Variants in TET2 observed in about 807,000 individuals in gnomAD.
TET2 encodes the protein methylcytosine dioxygenase TET2.
In TET2, 299 loss-of-function variants were observed where a neutral mutation model predicts 142.9. That is an observed-to-expected ratio of 2.09 (90% CI 1.90 to 2.30). The LOEUF (loss-of-function observed/expected upper bound fraction) is 2.30, where lower values mean the gene tolerates loss of function less well. Ranked by LOEUF, TET2 falls within the 30% of genes most tolerant of loss-of-function variation. TET2 has a pLI of 0.00. For synonymous variants in TET2, 819 were observed against 849.0 expected (o/e 0.96, Z 0.61); for missense variants, 2,418 against 2,378.0 (o/e 1.02, Z -0.35).
chr4:105,185,273 C>T (rs1469335437), intron 1 of TET2, among the ~76,000 whole-genome samples: 2 of 152,144 alleles, frequency 1.3e-5, no homozygotes, highest in African/African-American at 4.8e-5. Flanking sequence ...CACTGAATCT[C>T]CTACAAGCTT....
At chr4:105,171,431 T>C (rs903237162) in intron 1 of TET2, 12 of 152,216 alleles carry the variant, frequency 7.9e-5, no homozygotes, top group African/African-American at 2.7e-4. Context: ...ATTAATAAGT[T>C]TTAATATATG....
rs531909233 is a variant in TET2, at chr4:105,204,215, C to CA, written c.-47+13724dup. Among the ~76,000 whole-genome samples the CA allele has an allele frequency of 3.0e-3, 290 of 97,354 alleles. 2 individuals carry two copies. The highest frequency in any genetic ancestry group is 0.015 in the East Asian group (53 of 3,432). The allele number at this position is 97,354 out of a possible 152,430, so 63.9% of individuals were successfully genotyped here. ...TCCGTCTCAAAAAACAAAAACAAAC[C>CA]AAAAAAAAAAAAAATATATACACAC... On this transcript the variant is annotated intron_variant, in intron 2 of 10. Coordinates refer to ENST00000380013, the MANE Select transcript of TET2 (RefSeq NM_001127208.3).
intron 1 of TET2, among the ~76,000 whole-genome samples, chr4:105,165,831 A>G (rs1019903187): frequency 3.9e-5 from 6 of 152,200 alleles, no homozygotes; most frequent in African/African-American, 9.6e-5. Context: ...TTTAAATACT[A>G]CAATCTTAAG....
intron 1 of TET2, among the ~76,000 whole-genome samples, chr4:105,190,077 T>G (rs1725693384): frequency 6.6e-6 from 1 of 152,202 alleles, no homozygotes; most frequent in African/African-American, 2.4e-5. Context: ...GATGAAGTAA[T>G]ATAAGCCACT....
intron 2 of TET2, among the ~76,000 whole-genome samples, chr4:105,218,414 G>A (rs1040061271): frequency 6.6e-5 from 10 of 152,054 alleles, no homozygotes; most frequent in South Asian, 2.1e-4. Context: ...TCCTCATGTC[G>A]GCTATGCCAT....
At chr4:105,157,380 C>T (rs931864217) in intron 1 of TET2, among the ~76,000 whole-genome samples, 1 of 152,080 alleles carries the variant, frequency 6.6e-6, no homozygotes, top group East Asian at 1.9e-4. Context: ...AAAAAACACA[C>T]TTTAAACCTT....
chr4:105,260,810 A>G (rs1387164878), intron 7 of TET2, among the ~76,000 whole-genome samples: 1 of 152,198 alleles, frequency 6.6e-6, no homozygotes, highest in African/African-American at 2.4e-5. Flanking sequence ...ACATCATTTC[A>G]TAAGACAAGA....
chr4:105,262,467 T>C lies in TET2; in HGVS notation c.4044+619T>C, dbSNP rs376257225. ...TCATCATGAAGGCAAAAAACTAAAA[T>C]CTTCACTGTTTCAGTAACATCAACA... On this transcript the variant is annotated intron_variant, in intron 8 of 10. Transcript: ENST00000380013. Among the ~76,000 whole-genome samples the C allele has an allele frequency of 4.6e-5, 7 of 152,246 alleles. No homozygotes were observed. The East Asian group carries it at 1.4e-3, about 29-fold the overall frequency.
chr4:105,269,628 GC>G lies in TET2; in HGVS notation c.4064del (p.Ala1355AspfsTer8). 6.4e-7 allele frequency: 1 copy of G among 1,551,572 alleles called. No homozygotes were observed. ...YNNQIEYEHR[A>X]PECRLGLKEG... Reference sequence around the variant, plus strand: ...TTTTCAGATTGAATATGAACACAGAGCACCAGAGTGCCGTCTGGGTCTGAAG... The same window carrying G: ...TTTTCAGATTGAATATGAACACAGAGACCAGAGTGCCGTCTGGGTCTGAAG... On this transcript the variant is annotated frameshift_variant, in exon 9 of 11. Transcript: ENST00000380013. LOFTEE classifies it high-confidence loss of function.
At chr4:105,165,770 A>C (rs1007544548) in intron 1 of TET2, among the ~76,000 whole-genome samples, 23 of 152,218 alleles carry the variant, frequency 1.5e-4, no homozygotes, top group African/African-American at 5.3e-4. Flanking sequence ...TTGGTTGCTT[A>C]GTTTCCACAG....
In TET2 at chr4:105,259,709, T is replaced by TC; in HGVS notation, c.3894_3895insC (p.Lys1299GlnfsTer12). ...CATGGAGCATGTACTACAATGGATG[T>TC]AAGTTTGCCAGAAGCAAGATCCCAA... is the stretch of plus-strand genomic sequence containing the variant. On this transcript the variant is annotated frameshift_variant, in exon 7 of 11. Coordinates refer to ENST00000380013, the MANE Select transcript of TET2 (RefSeq NM_001127208.3). LOFTEE classifies it high-confidence loss of function. 6.4e-7 allele frequency: 1 copy of TC among 1,551,188 alleles called. No homozygotes were observed.
intron 2 of TET2, among the ~76,000 whole-genome samples, chr4:105,195,626 C>T: frequency 6.6e-6 from 1 of 152,216 alleles, no homozygotes; most frequent in South Asian, 2.1e-4. Context: ...AATGTCCATG[C>T]TATGTAAGTA....
At position 105,276,411 on chromosome 4, in the gene TET2, C is replaced by T; in HGVS notation, c.5901C>T (p.Phe1967=). 6.4e-7 allele frequency: 1 copy of T among 1,551,984 alleles called. No homozygotes were observed. Among genetic ancestry groups the T allele is most frequent in the Non-Finnish European group, 8.7e-7 (1 of 1,147,052 alleles). Residue 1967 remains phenylalanine (F), a synonymous_variant, in exon 11 of 11, where the codon TTC becomes TTT. Transcript: ENST00000380013. ...HETSEPTYLR[F]IKSLAERTMS... Reference sequence around the variant, plus strand: ...CTTCAGAGCCCACTTACCTGCGTTTCATCAAGTCTCTTGCCGAAAGGACCA... The same window carrying T: ...CTTCAGAGCCCACTTACCTGCGTTTTATCAAGTCTCTTGCCGAAAGGACCA...
At chr4:105,148,961 C>T (rs781127184) in intron 1 of TET2, among the ~76,000 whole-genome samples, 1 of 151,986 alleles carries the variant, frequency 6.6e-6, no homozygotes, top group Non-Finnish European at 1.5e-5. Flanking sequence ...ATCATTGATA[C>T]GTGGGGTTCT....
At chr4:105,257,976 A>G (rs1213314569) in intron 6 of TET2, among the ~76,000 whole-genome samples, 1 of 152,032 alleles carries the variant, frequency 6.6e-6, no homozygotes, top group Non-Finnish European at 1.5e-5. Context: ...ACTTTAGAGT[A>G]TATCCAACCA....
intron 2 of TET2, among the ~76,000 whole-genome samples, chr4:105,216,195 A>G (rs1727481759): frequency 6.6e-6 from 1 of 152,164 alleles, no homozygotes; most frequent in Admixed American, 6.6e-5. Context: ...GGAGACATAG[A>G]GTACAAATGA....
intron 10 of TET2, among the ~76,000 whole-genome samples, chr4:105,274,362 C>G (rs1425658489): frequency 6.6e-6 from 1 of 152,154 alleles, no homozygotes; most frequent in Non-Finnish European, 1.5e-5. Context: ...ACTGTGTTAA[C>G]TTCCTTTCTG....
At chr4:105,168,713 C>T (rs1056155515) in intron 1 of TET2, among the ~76,000 whole-genome samples, 1 of 152,030 alleles carries the variant, frequency 6.6e-6, no homozygotes, top group African/African-American at 2.4e-5. Flanking sequence ...TCACCCTATT[C>T]GTAGTCTTTT....
chr4:105,178,488 G>T (rs2110440855), intron 1 of TET2, among the ~76,000 whole-genome samples: 1 of 152,288 alleles, frequency 6.6e-6, no homozygotes, highest in East Asian at 1.9e-4. Context: ...ATACTATAGT[G>T]GTGGATCCAT....
Sources: allele counts gnomAD v4.1 joint callset (sites outside exome capture counted in the v4.1 genomes callset), GRCh38; gene constraint gnomAD v4.1.1; transcripts MANE v1.5; gene names NCBI Gene and HGNC (gene_info 2026-07-23, HGNC 2026-07-21).